TMOD3: variants seen among roughly 807,000 people sequenced by gnomAD.
TMOD3 encodes the protein tropomodulin-3.
Under a neutral mutation model 39.2 loss-of-function variants are expected in TMOD3, and 20 were observed. That is an observed-to-expected ratio of 0.51 (90% CI 0.36 to 0.74). The LOEUF is 0.74. TMOD3 is among the 30% of genes least tolerant of loss of function. TMOD3 has a pLI of 0.00. For missense variants in TMOD3, 381 were observed against 412.8 expected (o/e 0.92, Z 0.67); for synonymous variants, 143 against 145.8 (o/e 0.98, Z 0.14).
At chr15:51,841,296 G>A (rs1312801797) in intron 1 of TMOD3, among the ~76,000 whole-genome samples, 1 of 152,124 alleles carries the variant, frequency 6.6e-6, no homozygotes, top group Admixed American at 6.5e-5. Context: ...TTCCTATGAT[G>A]TAATTAAGAT....
intron 1 of TMOD3, chr15:51,861,296 G>T: frequency 2.8e-6 from 1 of 361,652 alleles, no homozygotes. Context: ...CTGCCATGAG[G>T]TCCGAACTCT....
At chr15:51,908,583 T>G (rs2056693800) in intron 9 of TMOD3, among the ~76,000 whole-genome samples, 193 bp from the exon 10 acceptor site, 1 of 151,776 alleles carries the variant, frequency 6.6e-6, no homozygotes, top group Non-Finnish European at 1.5e-5. Flanking sequence ...AACAAGTAAA[T>G]GACAGTGGTG....
At position 51,863,029 on chromosome 15, in the gene TMOD3, A is replaced by C; in HGVS notation, c.126+19A>C. 1 of 1,598,450 alleles carries C rather than the reference A, an allele frequency of 6.3e-7. No homozygotes were observed. Among genetic ancestry groups the C allele is most frequent in the South Asian group, 1.1e-5 (1 of 87,812 alleles). The stretch of plus-strand genomic sequence containing the variant: ...CCCCGAGGTAGGTGCTAGGTGATGA[A>C]GAGAAATGAAATAACTTTTCGAATT... On this transcript the variant is annotated intron_variant, in intron 2 of 9. Transcript: ENST00000308580.
intron 3 of TMOD3, among the ~76,000 whole-genome samples, chr15:51,871,386 A>G (rs762332552): frequency 1.3e-5 from 2 of 152,230 alleles, no homozygotes; most frequent in Non-Finnish European, 2.9e-5. Flanking sequence ...ATGAGAAAAA[A>G]TACTGGTTGA....
intron 3 of TMOD3, among the ~76,000 whole-genome samples, chr15:51,883,407 A>G (rs1348211841): frequency 2.0e-5 from 3 of 152,214 alleles, no homozygotes; most frequent in Non-Finnish European, 4.4e-5. Context: ...TTTAGATTCC[A>G]TCGGTCCCTC....
chr15:51,902,884 CTGA>C (rs1055557837), intron 9 of TMOD3, among the ~76,000 whole-genome samples: 1 of 152,066 alleles, frequency 6.6e-6, no homozygotes, highest in Non-Finnish European at 1.5e-5. Flanking sequence ...ATCTCCTGAC[CTGA>C]TGATCCACCC....
chr15:51,888,922 G>A, intron 4 of TMOD3, 134 bp from the exon 5 acceptor site: 1 of 590,222 alleles, frequency 1.7e-6, no homozygotes, highest in Middle Eastern at 4.5e-4. Flanking sequence ...TAATCATTTT[G>A]TTTTCTGTGT....
intron 3 of TMOD3, among the ~76,000 whole-genome samples, chr15:51,882,001 T>A (rs2056537438): frequency 6.6e-6 from 1 of 151,496 alleles, no homozygotes; most frequent in African/African-American, 2.4e-5. Flanking sequence ...TTCAAGCGAT[T>A]CTCCTGCCTC....
intron 3 of TMOD3, among the ~76,000 whole-genome samples, chr15:51,874,033 T>A (rs373142551): frequency 6.6e-6 from 1 of 152,198 alleles, no homozygotes; most frequent in East Asian, 1.9e-4. Flanking sequence ...ATACTTCTTA[T>A]TTTTTCACTT....
intron 5 of TMOD3, among the ~76,000 whole-genome samples, 161 bp downstream of exon 5, chr15:51,889,306 G>A (rs2056580794): frequency 6.6e-6 from 1 of 151,348 alleles, no homozygotes; most frequent in South Asian, 2.1e-4. Flanking sequence ...ATTGAAAATA[G>A]AGTATTAAAT....
At chr15:51,877,504 C>T (rs1009172198) in intron 3 of TMOD3, among the ~76,000 whole-genome samples, 3 of 151,934 alleles carry the variant, frequency 2.0e-5, no homozygotes, top group Non-Finnish European at 4.4e-5. Context: ...ATGGTGAAAC[C>T]CCATCTCTAC....
chr15:51,866,289 G>A (rs907708104), intron 2 of TMOD3, among the ~76,000 whole-genome samples: 3 of 151,846 alleles, frequency 2.0e-5, no homozygotes, highest in African/African-American at 7.3e-5. Context: ...ACCTTGCCTC[G>A]ACAAAAAATT....
At chr15:51,902,896 C>A (rs1320766056) in intron 9 of TMOD3, among the ~76,000 whole-genome samples, 4 of 152,098 alleles carry the variant, frequency 2.6e-5, no homozygotes, top group Non-Finnish European at 5.9e-5. Context: ...GATGATCCAC[C>A]CGCCTCGGCC....
At position 51,869,390 on chromosome 15, in the gene TMOD3, TAA is replaced by T. The variant is rs775264257; in HGVS notation, c.283+19_283+20del. ...AAAAAAAAGGTAAGCCCCAGAATTT[TAA>T]AGTCATTATGTGGTAACACTTGATT... On this transcript the variant is annotated intron_variant, in intron 3 of 9. Transcript: ENST00000308580. The T allele has an allele frequency of 1.9e-6, 3 of 1,608,428 alleles. No homozygotes were observed. The South Asian group carries it at 3.4e-5, about 18-fold the overall frequency.
At chr15:51,897,549 A>C (rs1181040604) in intron 7 of TMOD3, among the ~76,000 whole-genome samples, 2 of 148,502 alleles carry the variant, frequency 1.3e-5, no homozygotes, top group Non-Finnish European at 3.0e-5. Context: ...CAGTGGCGCA[A>C]TCTCGGCTCA....
rs141906463 is a variant in TMOD3 at position 51,870,699 on chromosome 15, T to G, written c.283+1326T>G. Among the ~76,000 whole-genome samples the G allele has an allele frequency of 4.3e-3, 658 of 152,306 alleles. 6 individuals are homozygous for G. The highest frequency in any genetic ancestry group is 0.015 in the African/African-American group (633 of 41,556). ...TATCCATCACCCCAGCCCCTGTGCTTTTTCTTTAGAGTCCTCTTCCTCTTC... is the reference window on the plus strand; with the variant it reads ...TATCCATCACCCCAGCCCCTGTGCTGTTTCTTTAGAGTCCTCTTCCTCTTC... On this transcript the variant is annotated intron_variant, in intron 3 of 9. Coordinates refer to ENST00000308580, the MANE Select transcript of TMOD3 (RefSeq NM_014547.5).
intron 1 of TMOD3, among the ~76,000 whole-genome samples, chr15:51,858,949 G>T (rs369390343): frequency 6.6e-6 from 1 of 152,152 alleles, no homozygotes; most frequent in African/African-American, 2.4e-5. Context: ...AGGCAGGAAG[G>T]TCACTTGAAT....
intron 7 of TMOD3, among the ~76,000 whole-genome samples, chr15:51,899,301 A>C (rs72732929): frequency 0.017 from 2,554 of 152,344 alleles, 40 homozygotes; most frequent in Non-Finnish European, 0.024. Flanking sequence ...GGGAATGAGG[A>C]GTAGAGAATG....
At chr15:51,834,869 A>G (rs1314219266) in intron 1 of TMOD3, 1 of 152,160 alleles carries the variant, frequency 6.6e-6, no homozygotes, top group East Asian at 1.9e-4. Context: ...GTTTTTCTCC[A>G]TTAGATTGAC....
Sources: gnomAD v4.1 joint callset for allele counts (sites outside exome capture counted in the v4.1 genomes callset) on GRCh38, gnomAD v4.1.1 for gene constraint, MANE v1.5 for transcripts, NCBI Gene and HGNC (gene_info 2026-07-23, HGNC 2026-07-21) for gene names.